The following STK33 variants were observed in gnomAD, a reference collection of about 807,000 sequenced individuals.
STK33 encodes the protein serine/threonine kinase 33.
STK33 carries 52 observed loss-of-function variants against 58.0 expected under a neutral mutation model. That is an observed-to-expected ratio of 0.90 (90% CI 0.72 to 1.13). The LOEUF is 1.13. STK33 is among the 50% of genes most tolerant of loss of function. The pLI is 0.00. For synonymous variants in STK33, 215 were observed against 200.1 expected, an observed-to-expected ratio of 1.07 and a Z score of -0.63; for missense variants, 630 against 604.2, an observed-to-expected ratio of 1.04 and a Z score of -0.45.
At chr11:8,584,526 C>T (rs76338552) in intron 1 of STK33, among the ~76,000 whole-genome samples, 12,614 of 152,274 alleles carry the variant, frequency 0.083, 579 homozygotes, top group African/African-American at 0.12. Context: ...GCCTGAGAGA[C>T]ACAGCCTTGG....
intron 1 of STK33, among the ~76,000 whole-genome samples, chr11:8,499,456 C>A (rs1280980724): frequency 6.6e-6 from 1 of 152,188 alleles, no homozygotes; most frequent in Non-Finnish European, 1.5e-5. Context: ...AATAGGAGCG[C>A]TGTTACACTG....
intron 1 of STK33, among the ~76,000 whole-genome samples, chr11:8,555,315 C>A (rs895478793): frequency 2.6e-5 from 4 of 152,116 alleles, no homozygotes; most frequent in Non-Finnish European, 5.9e-5. Flanking sequence ...GTTTTGAGAT[C>A]TATTGCACAG....
intron 1 of STK33, among the ~76,000 whole-genome samples, chr11:8,504,346 G>A (rs1454782324): frequency 1.3e-5 from 2 of 152,156 alleles, no homozygotes; most frequent in Non-Finnish European, 2.9e-5. Flanking sequence ...TGACAACTAG[G>A]TCAATTCTCA....
chr11:8,371,748 TCTCC>T, the STK33 span, among the ~76,000 whole-genome samples: 19 of 119,362 alleles, frequency 1.6e-4, no homozygotes, highest in African/African-American at 5.1e-4. Flanking sequence ...TCCCTCCCTC[TCTCC>T]CTCCCTTCCT....
intron 7 of STK33, among the ~76,000 whole-genome samples, chr11:8,463,195 C>T (rs187906213): frequency 2.2e-4 from 34 of 152,194 alleles, no homozygotes; most frequent in South Asian, 4.1e-4. Flanking sequence ...CTTTTTGGTA[C>T]CAGGGACTGA....
the STK33 span, among the ~76,000 whole-genome samples, chr11:8,359,676 C>T: frequency 6.6e-6 from 1 of 152,214 alleles, no homozygotes; most frequent in Non-Finnish European, 1.5e-5. Flanking sequence ...TTCTCCCCTC[C>T]TCTCCCCCAG....
chr11:8,495,237 A>G (rs1415755482), intron 1 of STK33, among the ~76,000 whole-genome samples: 2 of 152,196 alleles, frequency 1.3e-5, no homozygotes, highest in Non-Finnish European at 2.9e-5. Context: ...AAGAACTTAA[A>G]CAAATTTACA....
intron 1 of STK33, among the ~76,000 whole-genome samples, chr11:8,507,803 C>A (rs1269751764): frequency 6.6e-6 from 1 of 152,190 alleles, no homozygotes; most frequent in Non-Finnish European, 1.5e-5. Context: ...TCACAAGGAT[C>A]GTGCAGTCTA....
the STK33 span, among the ~76,000 whole-genome samples, chr11:8,339,905 C>A: frequency 6.6e-6 from 1 of 152,230 alleles, no homozygotes; most frequent in Non-Finnish European, 1.5e-5. Context: ...CCTCTCTCTC[C>A]AGCTCTGCCT....
chr11:8,581,054 C>T (rs188618479), intron 1 of STK33: 1 of 152,310 alleles, frequency 6.6e-6, no homozygotes, highest in African/African-American at 2.4e-5. Context: ...GAAGCTCAGA[C>T]TTCTCAGCCA....
Position 8,454,833 on chromosome 11 carries a change from C to G in STK33, c.698-1G>C. On this transcript the variant is annotated splice_acceptor_variant, in intron 9 of 15. Coordinates refer to ENST00000687296, the MANE Select transcript of STK33 (RefSeq NM_001352389.2). LOFTEE classifies it high-confidence loss of function. ...AGTTTCAGATCTCTATGTACAATAT[C>G]TACCAAGAAAATAAACAACAAATCA... The G allele has an allele frequency of 6.5e-7, 1 of 1,543,256 alleles. No homozygotes were observed. Among genetic ancestry groups the G allele is most frequent in the Non-Finnish European group, 8.8e-7 (1 of 1,140,836 alleles).
chr11:8,438,216 T>G (rs1286364704), intron 12 of STK33, among the ~76,000 whole-genome samples: 4 of 152,152 alleles, frequency 2.6e-5, no homozygotes, highest in Non-Finnish European at 1.5e-5. Context: ...TAATGGTTGG[T>G]CAATCAGCAG....
intron 9 of STK33, among the ~76,000 whole-genome samples, chr11:8,456,656 GA>G (rs905143637): frequency 5.3e-5 from 8 of 150,676 alleles, no homozygotes; most frequent in Non-Finnish European, 8.9e-5. Context: ...AACCTCGAAG[GA>G]AAAAAACGGG....
chr11:8,358,524 G>A, the STK33 span, among the ~76,000 whole-genome samples: 3 of 152,216 alleles, frequency 2.0e-5, no homozygotes, highest in Admixed American at 2.0e-4. Flanking sequence ...GCCTGAAAGA[G>A]TAGTCTTAAA....
intron 1 of STK33, among the ~76,000 whole-genome samples, chr11:8,529,292 A>G (rs1954318369): frequency 6.6e-6 from 1 of 152,220 alleles, no homozygotes; most frequent in Admixed American, 6.5e-5. Flanking sequence ...TTCCTGGGCC[A>G]GAGGCAGGTA....
At chr11:8,414,677 C>A (rs988728761) in intron 14 of STK33, among the ~76,000 whole-genome samples, 5 of 152,098 alleles carry the variant, frequency 3.3e-5, no homozygotes, top group Non-Finnish European at 4.4e-5. Context: ...ATGCTAATAA[C>A]TAAATGAGGA....
chr11:8,437,339 A>G (rs189749411), intron 12 of STK33, among the ~76,000 whole-genome samples: 3 of 152,338 alleles, frequency 2.0e-5, no homozygotes, highest in Admixed American at 2.0e-4. Flanking sequence ...TTAAAAGCTG[A>G]GTTCAATTCT....
chr11:8,442,555 T>A (rs1944893198), intron 11 of STK33, among the ~76,000 whole-genome samples: 2 of 152,198 alleles, frequency 1.3e-5, no homozygotes, highest in African/African-American at 4.8e-5. Context: ...AAACCATCTG[T>A]CTTCTCTCTT....
At chr11:8,477,496 A>C (rs1238624746) in intron 2 of STK33, among the ~76,000 whole-genome samples, 1 of 152,162 alleles carries the variant, frequency 6.6e-6, no homozygotes, top group Non-Finnish European at 1.5e-5. Flanking sequence ...TTTATAAGAA[A>C]TTGTAAGAAG....
Sources: allele counts gnomAD v4.1 joint callset (sites outside exome capture counted in the v4.1 genomes callset), GRCh38; gene constraint gnomAD v4.1.1; transcripts MANE v1.5; gene names NCBI Gene and HGNC (gene_info 2026-07-23, HGNC 2026-07-21).